Variants in DNAH12 observed in about 807,000 individuals in gnomAD.
DNAH12 encodes dynein axonemal heavy chain 12.
In DNAH12, 285 loss-of-function variants were observed where a neutral mutation model predicts 371.5. The observed-to-expected ratio is 0.77, with a 90% CI of 0.70 to 0.85. The LOEUF is 0.85. DNAH12 is among the 40% of genes least tolerant of loss of function. The probability of loss-of-function intolerance (pLI) is 0.00; values close to 1 mark genes in which losing one functional copy is unlikely to be tolerated. For synonymous variants in DNAH12, 1,200 were observed against 1,213.0 expected (o/e 0.99, Z 0.22); for missense variants, 3,611 against 3,689.4 (o/e 0.98, Z 0.55).
At position 57,301,836 on chromosome 3, in the gene DNAH12, C is replaced by G; in HGVS notation, c.11293G>C (p.Val3765Leu). 1 of 1,551,602 alleles carries G rather than the reference C, an allele frequency of 6.4e-7. No homozygotes were observed. Among genetic ancestry groups the G allele is most frequent in the South Asian group, 1.2e-5 (1 of 84,050 alleles). The change falls in exon 70 of 74, where the codon GTT becomes CTT. Residue 3765 changes from valine to leucine, a missense_variant. Transcript: ENST00000495027. Reference protein sequence around the residue: ...ALEALSGSLLVGKVPEIWAKR... With the variant: ...ALEALSGSLLLGKVPEIWAKR... Reference sequence around the variant, plus strand: ...GCCCATATTTCTGGAACCTTTCCAACAAGTAAGCTACCGGAGAGTGCCTCC... The same window carrying G: ...GCCCATATTTCTGGAACCTTTCCAAGAAGTAAGCTACCGGAGAGTGCCTCC...
chr3:57,353,624 G>C (rs958104023), intron 59 of DNAH12, among the ~76,000 whole-genome samples: 6 of 152,208 alleles, frequency 3.9e-5, no homozygotes, highest in African/African-American at 1.2e-4. Flanking sequence ...TTTTCAAACT[G>C]TACATCTGAC....
At chr3:57,461,428 A>C in intron 19 of DNAH12, 61 bp downstream of exon 19, 1 of 1,474,054 alleles carries the variant, frequency 6.8e-7, no homozygotes, top group Non-Finnish European at 9.3e-7. Flanking sequence ...ATGAGAGCGT[A>C]TATGTAATAG....
intron 36 of DNAH12, 101 bp downstream of exon 36, chr3:57,421,417 C>A (rs912580146): frequency 2.9e-5 from 33 of 1,157,002 alleles, no homozygotes; most frequent in Non-Finnish European, 3.6e-5. Context: ...AAAAGCTCAC[C>A]GCAGGAGTCA....
intron 69 of DNAH12, among the ~76,000 whole-genome samples, chr3:57,305,407 C>T (rs1307527175): frequency 1.3e-5 from 2 of 152,130 alleles, no homozygotes; most frequent in South Asian, 2.1e-4. Flanking sequence ...CTCCTCCACC[C>T]TATAATCTTT....
intron 2 of DNAH12, among the ~76,000 whole-genome samples, chr3:57,525,154 CAAAAAAA>C (rs5849213): frequency 2.4e-3 from 260 of 109,474 alleles, no homozygotes; most frequent in Middle Eastern, 0.015. Context: ...AGAGGAGAAA[CAAAAAAA>C]AAAAAAAAAA....
chr3:57,373,062 A>G (rs1280638807), intron 55 of DNAH12, among the ~76,000 whole-genome samples: 1 of 152,186 alleles, frequency 6.6e-6, no homozygotes, highest in Non-Finnish European at 1.5e-5. Flanking sequence ...CATCATGTCC[A>G]AAAATGCAAA....
intron 49 of DNAH12, among the ~76,000 whole-genome samples, chr3:57,383,686 A>G (rs1489465922): frequency 1.3e-5 from 2 of 150,334 alleles, no homozygotes; most frequent in East Asian, 2.0e-4. Context: ...CTTTAGCCCA[A>G]AAGTTTCAGG....
chr3:57,371,941 CAAAAAA>C (rs1169602185), intron 55 of DNAH12, among the ~76,000 whole-genome samples: 46 of 25,862 alleles, frequency 1.8e-3, no homozygotes, highest in South Asian at 4.8e-3. Context: ...CTAAACTCAG[CAAAAAA>C]AAAAAAAAAA....
intron 13 of DNAH12, among the ~76,000 whole-genome samples, chr3:57,479,541 A>G (rs1458566763): frequency 1.3e-5 from 2 of 152,098 alleles, no homozygotes; most frequent in Non-Finnish European, 2.9e-5. Flanking sequence ...GGATATCCAG[A>G]AATTGAACTC....
At chr3:57,478,666 G>A (rs2153382633) in intron 13 of DNAH12, among the ~76,000 whole-genome samples, 1 of 152,252 alleles carries the variant, frequency 6.6e-6, no homozygotes, top group South Asian at 2.1e-4. Flanking sequence ...GTTAAGGGCA[G>A]CCAGAGAGAA....
In DNAH12 at chr3:57,473,965, A is replaced by G. The variant is rs896593995; in HGVS notation, c.1651-1294T>C. ...CAAAAAACGTAGTAGCACATCAGCA[A>G]TAGAAGGGAATTCACTAATCTGGCA... On this transcript the variant is annotated intron_variant, in intron 13 of 73. Coordinates refer to ENST00000495027, the MANE Select transcript of DNAH12 (RefSeq NM_001366028.2). Among the ~76,000 whole-genome samples the G allele has an allele frequency of 1.1e-3, 175 of 152,298 alleles. 1 individual carries two copies. The highest frequency in any genetic ancestry group is 4.0e-3 in the African/African-American group (165 of 41,572).
intron 8 of DNAH12, among the ~76,000 whole-genome samples, chr3:57,504,551 C>T (rs548883690): frequency 2.6e-5 from 4 of 152,176 alleles, no homozygotes; most frequent in South Asian, 2.1e-4. Flanking sequence ...GCTGGGACTA[C>T]GGCGCGTGCC....
chr3:57,477,382 C>T (rs1356097024), intron 13 of DNAH12, among the ~76,000 whole-genome samples: 4 of 152,106 alleles, frequency 2.6e-5, no homozygotes, highest in African/African-American at 9.7e-5. Flanking sequence ...GGGGGAGGGG[C>T]GCCCGCCATT....
intron 62 of DNAH12, among the ~76,000 whole-genome samples, chr3:57,324,909 G>C (rs542305869): frequency 1.8e-4 from 28 of 152,236 alleles, no homozygotes; most frequent in Non-Finnish European, 3.7e-4. Context: ...CGGCACACCA[G>C]GAGATTATAT....
intron 60 of DNAH12, among the ~76,000 whole-genome samples, chr3:57,335,850 A>G (rs1350042037): frequency 6.6e-6 from 1 of 152,208 alleles, no homozygotes; most frequent in African/African-American, 2.4e-5. Flanking sequence ...ACTAAGAAAT[A>G]TAAGTTATTG....
rs555388960 is a variant in DNAH12 at position 57,478,305 on chromosome 3, A to G, written c.1650+5071T>C. On this transcript the variant is annotated intron_variant, in intron 13 of 73. Coordinates refer to ENST00000495027, the MANE Select transcript of DNAH12 (RefSeq NM_001366028.2). ...CAAGCCTCAGTAGCCGATTCGATCA[A>G]CTGGAAGAAAGGGTATCAGTGATGG... 4.9e-4 allele frequency among the ~76,000 whole-genome samples: 74 copies of G among 152,370 alleles called. 1 individual carries two copies. Among genetic ancestry groups the G allele is most frequent in the Middle Eastern group, 3.4e-3 (1 of 294 alleles).
At chr3:57,508,757 TTG>T (rs1179820547) in intron 6 of DNAH12, among the ~76,000 whole-genome samples, 1 of 152,138 alleles carries the variant, frequency 6.6e-6, no homozygotes, top group Non-Finnish European at 1.5e-5. Flanking sequence ...CAGAAATAAT[TTG>T]TGAGTAAGGC....
intron 13 of DNAH12, among the ~76,000 whole-genome samples, chr3:57,482,580 C>T (rs1441422080): frequency 6.6e-6 from 1 of 151,902 alleles, no homozygotes; most frequent in Non-Finnish European, 1.5e-5. Flanking sequence ...GGGTATATAC[C>T]CAAAGGATTA....
intron 40 of DNAH12, among the ~76,000 whole-genome samples, chr3:57,407,177 G>A (rs782406729): frequency 3.3e-5 from 5 of 151,840 alleles, no homozygotes; most frequent in African/African-American, 4.8e-5. Context: ...GATTACAGGT[G>A]TGAGTCACTG....
Sources: allele counts gnomAD v4.1 joint callset (sites outside exome capture counted in the v4.1 genomes callset), GRCh38; gene constraint gnomAD v4.1.1; transcripts MANE v1.5; gene names NCBI Gene and HGNC (gene_info 2026-07-23, HGNC 2026-07-21).